ZNF626: variants seen among roughly 807,000 people sequenced by gnomAD.
The protein encoded by ZNF626 is CTC-513N18.7.
In ZNF626, 4 loss-of-function variants were observed where a neutral mutation model predicts 11.7. The observed-to-expected ratio is 0.34, with a 90% CI of 0.17 to 0.78. The LOEUF (loss-of-function observed/expected upper bound fraction) is 0.78. Ranked by LOEUF, ZNF626 falls within the 30% of genes least tolerant of loss-of-function variation. The pLI is 0.57. For missense variants in ZNF626, 588 were observed against 587.1 expected, an observed-to-expected ratio of 1.00 and a Z score of -0.01; for synonymous variants, 179 against 198.6, an observed-to-expected ratio of 0.90 and a Z score of 0.83.
At chr19:20,643,302 A>AAT (rs1390291073) in intron 3 of ZNF626, among the ~76,000 whole-genome samples, 2 of 151,888 alleles carry the variant, frequency 1.3e-5, no homozygotes, top group African/African-American at 2.4e-5. Flanking sequence ...CACAGAAAAA[A>AAT]ATATATATAT....
rs782200348 is a variant in ZNF626 at position 20,625,561 on chromosome 19, AT to A, written c.315del (p.Lys105AsnfsTer9). On this transcript the variant is annotated frameshift_variant, in exon 4 of 4. Transcript: ENST00000601440. LOFTEE classifies it low-confidence loss of function (END_TRUNC). ...FQKVVLRRYE[K>X]CEHDNLQLKK... ...TTTAACTGTAAATTGTCATGTTCAC[AT>A]TTTTCATATCTTCTCAGTACCACTT... 1.9e-6 allele frequency: 3 copies of A among 1,612,234 alleles called. No homozygotes were observed. The highest frequency in any genetic ancestry group is 2.2e-5 in the South Asian group (2 of 90,644).
At chr19:20,650,792 T>C (rs2144789570) in intron 1 of ZNF626, among the ~76,000 whole-genome samples, 1 of 152,336 alleles carries the variant, frequency 6.6e-6, no homozygotes, top group East Asian at 1.9e-4. Context: ...CACTGCCCTG[T>C]CAACTTTATA....
In ZNF626 at chr19:20,624,739, G is replaced by A. The variant is rs782659793; in HGVS notation, c.1138C>T (p.Arg380Trp). The A allele has an allele frequency of 3.4e-5, 55 of 1,608,716 alleles. No homozygotes were observed. In the Middle Eastern group the frequency reaches 6.6e-4, roughly 19 times the overall value. The change falls in exon 4 of 4, where the codon CGG (arginine) becomes TGG (tryptophan). Residue 380 changes from arginine (R) to tryptophan (W), a missense_variant. Arg to Trp is a moderately radical substitution (Grantham distance 101, BLOSUM62 -3). Coordinates refer to ENST00000601440, the MANE Select transcript of ZNF626 (RefSeq NM_001076675.3). ...TTATGCGTAGTAAGGTCTGAAGACC[G>A]CTTGAAGGCTTTGCCACATTCTTCA... ...KCEECGKAFK[R>W]SSDLTTHKII... is the part of the protein sequence containing the mutation.
chr19:20,633,107 C>G (rs4809079), intron 3 of ZNF626, among the ~76,000 whole-genome samples: 68,219 of 151,792 alleles, frequency 0.45, 16,606 homozygotes, highest in African/African-American at 0.64. Flanking sequence ...GCGGATTTTG[C>G]TGAACCGCAG....
rs2144758148 is a variant in ZNF626 at position 20,621,926 on chromosome 19, C to T, written c.*2364G>A. On this transcript the variant is annotated 3_prime_UTR_variant, in exon 4 of 4. Coordinates refer to ENST00000601440, the MANE Select transcript of ZNF626 (RefSeq NM_001076675.3). Reference sequence around the variant, plus strand: ...ATTAGGCTGGACATATTGGCTCACACCTATAATCCCAACACTTTGAGAGCC... The same window carrying T: ...ATTAGGCTGGACATATTGGCTCACATCTATAATCCCAACACTTTGAGAGCC... The T allele has an allele frequency of 6.6e-6, 1 of 152,322 alleles. No homozygotes were observed. The highest frequency in any genetic ancestry group is 2.1e-4 in the South Asian group (1 of 4,824). 9.4% of individuals were successfully genotyped at this position (152,322 alleles called of 1,614,324 possible).
chr19:20,645,792 A>C lies in ZNF626; in HGVS notation c.131-13T>G. Reference sequence around the variant, plus strand: ...GAAACAGTAATACCTGTTTTATTAAAAATAAATAACATAAATCTTGCTTAT... The same window carrying C: ...GAAACAGTAATACCTGTTTTATTAACAATAAATAACATAAATCTTGCTTAT... On this transcript the variant is annotated splice_polypyrimidine_tract_variant and intron_variant, in intron 2 of 3. Coordinates refer to ENST00000601440, the MANE Select transcript of ZNF626 (RefSeq NM_001076675.3). 1 of 1,595,088 alleles carries C rather than the reference A, an allele frequency of 6.3e-7. No homozygotes were observed. The highest frequency in any genetic ancestry group is 8.5e-7 in the Non-Finnish European group (1 of 1,169,668).
At chr19:20,636,259 T>C (rs2144775043) in intron 3 of ZNF626, among the ~76,000 whole-genome samples, 1 of 152,344 alleles carries the variant, frequency 6.6e-6, no homozygotes, top group African/African-American at 2.4e-5. Context: ...ACAATTATAT[T>C]GGCAATAGAT....
At chr19:20,627,435 T>G (rs1969850464) in intron 3 of ZNF626, among the ~76,000 whole-genome samples, 1 of 151,932 alleles carries the variant, frequency 6.6e-6, no homozygotes, top group African/African-American at 2.4e-5. Flanking sequence ...AGAAAATATT[T>G]GTATGGATAC....
Position 20,659,725 on chromosome 19 carries a change from T to G in ZNF626, c.3+1719A>C, listed in dbSNP as rs541927057. ...GCAATACTTCTTAGGAATTCATTTT[T>G]TTTTTACATAAATCTAATATTCTTA... On this transcript the variant is annotated intron_variant, in intron 1 of 3. Transcript: ENST00000601440. 1.5e-3 allele frequency among the ~76,000 whole-genome samples: 225 copies of G among 151,752 alleles called. 2 individuals are homozygous for G. Among genetic ancestry groups the G allele is most frequent in the South Asian group, 7.9e-3 (38 of 4,794 alleles).
chr19:20,627,682 G>C (rs942540008), intron 3 of ZNF626, among the ~76,000 whole-genome samples: 1 of 151,964 alleles, frequency 6.6e-6, no homozygotes, highest in Non-Finnish European at 1.5e-5. Flanking sequence ...AAAATCAAGA[G>C]TCAACTTGCC....
In ZNF626 at chr19:20,652,684, C is replaced by T. The variant is rs1224583938; in HGVS notation, c.4-6279G>A. Reference sequence around the variant, plus strand: ...AGACATAATTGCACTTTTATTTTAACGTCTCTGAGTTTGATAACTAAAAGG... The same window carrying T: ...AGACATAATTGCACTTTTATTTTAATGTCTCTGAGTTTGATAACTAAAAGG... On this transcript the variant is annotated intron_variant, in intron 1 of 3. Transcript: ENST00000601440. 4.6e-5 allele frequency among the ~76,000 whole-genome samples: 7 copies of T among 152,208 alleles called. No homozygotes were observed. The South Asian group carries it at 6.2e-4, about 14-fold the overall frequency.
chr19:20,645,052 C>G, intron 3 of ZNF626: 1 of 184,776 alleles, frequency 5.4e-6, no homozygotes, highest in Non-Finnish European at 1.1e-5. Context: ...CAATAAACTT[C>G]CTATTAAAAT....
chr19:20,625,695 G>C (rs1555769600), intron 3 of ZNF626, 45 bp from the exon 4 acceptor site: 1 of 1,486,618 alleles, frequency 6.7e-7, no homozygotes, highest in Admixed American at 2.4e-5. Flanking sequence ...GGTAGACTCA[G>C]ATAAATATAA....
intron 3 of ZNF626, among the ~76,000 whole-genome samples, chr19:20,628,543 T>G (rs1376705421): frequency 6.6e-6 from 1 of 152,230 alleles, no homozygotes; most frequent in Non-Finnish European, 1.5e-5. Context: ...ATTATCAGCA[T>G]TTTTTCATCT....
At chr19:20,648,240 A>G (rs546027772) in intron 1 of ZNF626, among the ~76,000 whole-genome samples, 16 of 152,074 alleles carry the variant, frequency 1.1e-4, no homozygotes, top group South Asian at 8.3e-4. Flanking sequence ...CTCTATGTTC[A>G]GTAACTTTTA....
In ZNF626 at chr19:20,625,430, T is replaced by C; in HGVS notation, c.447A>G (p.Lys149=). The change falls in exon 4 of 4, where the codon AAA becomes AAG. Residue 149 remains lysine (K), a synonymous_variant. Transcript: ENST00000601440. Reference sequence around the variant, plus strand: ...GAAATTGATGAAGGACTTTCACATATTTATCACATTGACATATTTTTCTTG... The same window carrying C: ...GAAATTGATGAAGGACTTTCACATACTTATCACATTGACATATTTTTCTTG... The part of the protein sequence containing the change: ...TTPRKICQCD[K]YVKVLHQFPN... The C allele has an allele frequency of 6.2e-7, 1 of 1,614,116 alleles. No homozygotes were observed. Among genetic ancestry groups the C allele is most frequent in the East Asian group, 2.2e-5 (1 of 44,860 alleles).
rs1337785987 is a variant in ZNF626 at position 20,620,323 on chromosome 19, A to G, written c.*3967T>C. ...GTGTTTAGTTTTCCATTAATCACCT[A>G]AAAACTTATTTTGTTCCAATAATTG... On this transcript the variant is annotated 3_prime_UTR_variant, in exon 4 of 4. Coordinates refer to ENST00000601440, the MANE Select transcript of ZNF626 (RefSeq NM_001076675.3). The G allele has an allele frequency of 6.6e-6, 1 of 152,170 alleles. No individual in the cohort carries two copies. The highest frequency in any genetic ancestry group is 1.5e-5 in the Non-Finnish European group (1 of 68,040). 9.4% of individuals were successfully genotyped at this position (152,170 alleles called of 1,614,324 possible). A position where few individuals can be genotyped will look rare whatever the true frequency, so the allele number is the denominator to read the frequency against.
At position 20,619,954 on chromosome 19, in the gene ZNF626, A is replaced by C. The variant is rs1555768473; in HGVS notation, c.*4336T>G. On this transcript the variant is annotated 3_prime_UTR_variant, in exon 4 of 4. Transcript: ENST00000601440. ...CATCTGCAAATAATAACTACTTTCC[A>C]GTTTTATTCATTACAAATATTAACT... 1.3e-5 allele frequency: 2 copies of C among 152,210 alleles called. No homozygotes were observed. Among genetic ancestry groups the C allele is most frequent in the South Asian group, 2.1e-4 (1 of 4,834 alleles). 9.4% of individuals were successfully genotyped at this position (152,210 alleles called of 1,614,324 possible). A position where few individuals can be genotyped will look rare whatever the true frequency, so the allele number is the denominator to read the frequency against.
chr19:20,625,503 A>C lies in ZNF626; in HGVS notation c.374T>G (p.Val125Gly), dbSNP rs538506259. The C allele has an allele frequency of 5.6e-6, 9 of 1,613,940 alleles. No homozygotes were observed. In the African/African-American group the frequency reaches 8.0e-5, roughly 14 times the overall value. Residue 125 changes from valine to glycine, a missense_variant, in exon 4 of 4, where the codon GTG (valine) becomes GGG (glycine). Val to Gly is a moderately radical substitution (Grantham distance 109). This residue lies in a region of ZNF626 where 524 missense variants were observed against 470.1 expected (regional missense o/e 1.11). Transcript: ENST00000601440. ...KGCISVDECKVHKEGYNELNQ... is the reference protein window; with the variant it reads ...KGCISVDECKGHKEGYNELNQ... ...AAGTTCATTATAACCTTCTTTGTGC[A>C]CCTTACACTCATCCACACTTATACA...
Sources: gnomAD v4.1 joint callset for allele counts (sites outside exome capture counted in the v4.1 genomes callset) on GRCh38, gnomAD v4.1.1 for gene constraint, gnomAD v4.1.1 regional missense constraint, MANE v1.5 for transcripts, NCBI Gene and HGNC (gene_info 2026-07-23, HGNC 2026-07-21) for gene names.